Variants in DPYD observed in about 807,000 individuals in gnomAD.
DPYD encodes the protein dihydropyrimidine dehydrogenase.
A neutral mutation model predicts 116.2 loss-of-function variants in DPYD; 109 were observed. The ratio of observed to expected loss-of-function variants is 0.94; its 90% CI spans 0.80 to 1.10. The LOEUF is 1.10. DPYD is among the 50% of genes least tolerant of loss of function. The pLI is 0.00. For synonymous variants in DPYD, 440 were observed against 432.0 expected, an observed-to-expected ratio of 1.02 and a Z score of -0.23; for missense variants, 1,302 against 1,254.5, an observed-to-expected ratio of 1.04 and a Z score of -0.57.
chr1:97,695,579 T>C (rs1162950787), intron 6 of DPYD, among the ~76,000 whole-genome samples: 1 of 150,556 alleles, frequency 6.6e-6, no homozygotes, highest in Non-Finnish European at 1.5e-5. Flanking sequence ...GACCAGCACA[T>C]AGTTAAGTGA....
intron 20 of DPYD, among the ~76,000 whole-genome samples, chr1:97,166,226 C>T (rs149225291): frequency 0.022 from 3,286 of 152,194 alleles, 131 homozygotes; most frequent in African/African-American, 0.075. Flanking sequence ...AAATATGGTA[C>T]ATATACACCA....
chr1:97,163,834 G>C (rs1656108490), intron 20 of DPYD, among the ~76,000 whole-genome samples: 1 of 152,126 alleles, frequency 6.6e-6, no homozygotes, highest in South Asian at 2.1e-4. Context: ...CAGTTTTACA[G>C]GGGATGTGGT....
At chr1:97,598,084 AG>A (rs1374671715) in intron 8 of DPYD, among the ~76,000 whole-genome samples, 5 of 152,190 alleles carry the variant, frequency 3.3e-5, no homozygotes, top group Non-Finnish European at 7.4e-5. Context: ...ATATTAAGAT[AG>A]GTTTATTCTA....
chr1:97,245,373 A>G (rs1662647528), intron 18 of DPYD, among the ~76,000 whole-genome samples: 1 of 152,104 alleles, frequency 6.6e-6, no homozygotes. Context: ...TCCAAATAAG[A>G]GCTTCTGGCA....
At chr1:97,241,727 C>T (rs1662351505) in intron 18 of DPYD, among the ~76,000 whole-genome samples, 1 of 151,802 alleles carries the variant, frequency 6.6e-6, no homozygotes, top group South Asian at 2.1e-4. Context: ...CTTCCTAAAA[C>T]ATTGGTTTTC....
intron 5 of DPYD, 25 bp downstream of exon 5, chr1:97,721,485 G>C (rs751500281): frequency 6.2e-7 from 1 of 1,609,750 alleles, no homozygotes; most frequent in Non-Finnish European, 8.5e-7. Context: ...GTAGTGGGGG[G>C]ATGTCACGTG....
intron 14 of DPYD, among the ~76,000 whole-genome samples, chr1:97,427,582 CAG>C (rs1674941308): frequency 6.6e-6 from 1 of 151,986 alleles, no homozygotes; most frequent in African/African-American, 2.4e-5. Flanking sequence ...AGGAAACTAA[CAG>C]AGCATTCTCT....
At chr1:97,869,257 T>C (rs1671544316) in intron 2 of DPYD, among the ~76,000 whole-genome samples, 2 of 151,784 alleles carry the variant, frequency 1.3e-5, no homozygotes, top group South Asian at 4.1e-4. Context: ...AAAGAAAGCT[T>C]CAAGGGTCTA....
chr1:97,740,179 T>C (rs1302769479), intron 4 of DPYD, among the ~76,000 whole-genome samples: 4 of 152,108 alleles, frequency 2.6e-5, no homozygotes, highest in Admixed American at 6.5e-5. Flanking sequence ...AAACTAATTT[T>C]CAAAACAAAA....
intron 16 of DPYD, among the ~76,000 whole-genome samples, chr1:97,306,645 T>A (rs1330138217): frequency 6.6e-6 from 1 of 151,914 alleles, no homozygotes; most frequent in African/African-American, 2.4e-5. Context: ...CAAGAAACAT[T>A]ACAAAATTTC....
intron 3 of DPYD, among the ~76,000 whole-genome samples, chr1:97,772,121 TTAAAC>T (rs1666175654): frequency 1.3e-5 from 2 of 152,172 alleles, no homozygotes; most frequent in Non-Finnish European, 2.9e-5. Flanking sequence ...TTTTATCTCT[TTAAAC>T]TACTCTCTGA....
At chr1:97,735,065 C>T (rs1035336427) in intron 4 of DPYD, among the ~76,000 whole-genome samples, 2 of 151,974 alleles carry the variant, frequency 1.3e-5, no homozygotes, top group African/African-American at 2.4e-5. Context: ...ATCTTGGTGA[C>T]TCGAAAAAAA....
chr1:97,641,489 G>A (rs944544911), intron 8 of DPYD, among the ~76,000 whole-genome samples: 112 of 152,054 alleles, frequency 7.4e-4, no homozygotes, highest in African/African-American at 2.7e-3. Context: ...CAGAACCAAT[G>A]ACAAAAAGCC....
At chr1:97,190,360 A>C (rs1193371378) in intron 20 of DPYD, among the ~76,000 whole-genome samples, 4 of 152,094 alleles carry the variant, frequency 2.6e-5, no homozygotes, top group African/African-American at 9.7e-5. Flanking sequence ...TTGGCAATGC[A>C]GATTTTTGGA....
chr1:97,391,592 C>T (rs1412471811), intron 14 of DPYD, among the ~76,000 whole-genome samples: 1 of 151,962 alleles, frequency 6.6e-6, no homozygotes, highest in East Asian at 1.9e-4. Flanking sequence ...TTGAGAAGTA[C>T]TGCTCTAGTT....
intron 11 of DPYD, 66 bp downstream of exon 11, chr1:97,573,694 T>C: frequency 1.9e-6 from 3 of 1,590,414 alleles, no homozygotes; most frequent in South Asian, 1.1e-5. Context: ...CCCTGAAAGC[T>C]AGAAACTATT....
chr1:97,365,550 A>AT (rs1179969778), intron 16 of DPYD, among the ~76,000 whole-genome samples: 1 of 152,196 alleles, frequency 6.6e-6, no homozygotes, highest in East Asian at 1.9e-4. Context: ...TTTGAGGGTG[A>AT]TTTTTAAAAA....
At chr1:97,099,213 A>G (rs1650485895) in intron 20 of DPYD, among the ~76,000 whole-genome samples, 1 of 152,150 alleles carries the variant, frequency 6.6e-6, no homozygotes, top group Non-Finnish European at 1.5e-5. Context: ...AAAAATGGTA[A>G]AAATATTGAT....
intron 3 of DPYD, among the ~76,000 whole-genome samples, chr1:97,792,764 C>A (rs1667385630): frequency 6.6e-6 from 1 of 152,102 alleles, no homozygotes; most frequent in South Asian, 2.1e-4. Context: ...AACCAGTAAT[C>A]CCACTCTAAT....
Sources: gnomAD v4.1 joint callset for allele counts (sites outside exome capture counted in the v4.1 genomes callset) on GRCh38, gnomAD v4.1.1 for gene constraint, MANE v1.5 for transcripts, NCBI Gene and HGNC (gene_info 2026-07-23, HGNC 2026-07-21) for gene names.